Variants in RYR3 observed in about 807,000 individuals in gnomAD.
RYR3 encodes the protein brain ryanodine receptor-calcium release channel.
Under a neutral mutation model 584.3 loss-of-function variants are expected in RYR3, and 207 were observed. The ratio of observed to expected loss-of-function variants is 0.35; its 90% CI spans 0.32 to 0.40. The LOEUF (loss-of-function observed/expected upper bound fraction) is 0.40. Among genes scored for constraint, RYR3 ranks in the 10% least tolerant of loss-of-function variants. The pLI is 1.00. For missense variants in RYR3, 5,616 were observed against 6,089.2 expected, an observed-to-expected ratio of 0.92 and a Z score of 2.59; for synonymous variants, 2,416 against 2,248.5, an observed-to-expected ratio of 1.07 and a Z score of -2.11.
At chr15:33,406,278 G>A (rs777356791) in intron 1 of RYR3, among the ~76,000 whole-genome samples, 4 of 152,160 alleles carry the variant, frequency 2.6e-5, no homozygotes, top group African/African-American at 7.2e-5. Flanking sequence ...GGTGATTAGG[G>A]GAGAAGAAGT....
At chr15:33,863,699 C>T (rs1889368129) in intron 102 of RYR3, among the ~76,000 whole-genome samples, 2 of 152,134 alleles carry the variant, frequency 1.3e-5, no homozygotes, top group Admixed American at 1.3e-4. Flanking sequence ...AGATTAAATA[C>T]TTTCTAACTT....
chr15:33,753,053 T>C (rs989790662), intron 57 of RYR3, among the ~76,000 whole-genome samples: 4 of 152,222 alleles, frequency 2.6e-5, no homozygotes, highest in Non-Finnish European at 5.9e-5. Flanking sequence ...TGGTTCTGTT[T>C]GTGTGATGGA....
At position 33,662,567 on chromosome 15, in the gene RYR3, C is replaced by A; in HGVS notation, c.5037C>A (p.His1679Gln). Residue 1679 changes from histidine to glutamine, a missense_variant, in exon 35 of 104, where the codon CAC becomes CAA. His to Gln is a conservative substitution (Grantham distance 24). Transcript: ENST00000634891. ...GCTTTGTTGTGACTGGTGAGGATCACCAAAAGCAGAGCCCCGAGATTCCCT... is the reference window on the plus strand; with the variant it reads ...GCTTTGTTGTGACTGGTGAGGATCAACAAAAGCAGAGCCCCGAGATTCCCT... The part of the protein sequence containing the change: ...TPCFVVTGED[H>Q]QKQSPEIPLE... The A allele has an allele frequency of 6.2e-7, 1 of 1,613,970 alleles. No individual in the cohort carries two copies. The highest frequency in any genetic ancestry group is 8.5e-7 in the Non-Finnish European group (1 of 1,179,894).
intron 1 of RYR3, among the ~76,000 whole-genome samples, chr15:33,399,633 G>A (rs1335523700): frequency 3.3e-5 from 5 of 152,032 alleles, no homozygotes; most frequent in South Asian, 4.2e-4. Context: ...GTAAGACTCC[G>A]TTTCAAAAAT....
intron 1 of RYR3, among the ~76,000 whole-genome samples, chr15:33,322,927 T>G (rs998169976): frequency 6.6e-6 from 1 of 151,084 alleles, no homozygotes; most frequent in African/African-American, 2.4e-5. Context: ...GTATCATCTG[T>G]ATCAGCACCA....
intron 1 of RYR3, among the ~76,000 whole-genome samples, chr15:33,414,698 G>T (rs2043658337): frequency 6.6e-6 from 1 of 152,134 alleles, no homozygotes; most frequent in South Asian, 2.1e-4. Flanking sequence ...TCCGCCTCCT[G>T]GGTTCACGCC....
At chr15:33,815,179 A>G (rs2152951758) in intron 74 of RYR3, among the ~76,000 whole-genome samples, 1 of 152,350 alleles carries the variant, frequency 6.6e-6, no homozygotes, top group African/African-American at 2.4e-5. Context: ...CACCAAATCA[A>G]GTAGAATTCA....
chr15:33,736,266 C>G lies in RYR3; in HGVS notation c.7456C>G (p.Leu2486Val). 3 of 1,613,310 alleles carry G rather than the reference C, an allele frequency of 1.9e-6. No individual in the cohort carries two copies. The highest frequency in any genetic ancestry group is 2.5e-6 in the Non-Finnish European group (3 of 1,179,642). ...HLRPSMLQQL[L>V]RRLVFDVPQL... ...GAGGCCTTCCATGTTACAGCAACTC[C>G]TGCGACGCCTCGTTTTTGATGTGCC... Residue 2486 changes from leucine to valine, a missense_variant, in exon 49 of 104, where the codon CTG (leucine) becomes GTG (valine). Leu to Val is a conservative substitution (Grantham distance 32). Coordinates refer to ENST00000634891, the MANE Select transcript of RYR3 (RefSeq NM_001036.6).
At chr15:33,345,894 C>T (rs1237164238) in intron 1 of RYR3, among the ~76,000 whole-genome samples, 2 of 152,168 alleles carry the variant, frequency 1.3e-5, no homozygotes, top group Non-Finnish European at 2.9e-5. Flanking sequence ...ATACATTTCT[C>T]TAAATGCTTT....
chr15:33,823,021 A>G lies in RYR3; in HGVS notation c.11021A>G (p.Lys3674Arg). The G allele has an allele frequency of 6.2e-7, 1 of 1,613,672 alleles. No individual in the cohort carries two copies. The highest frequency in any genetic ancestry group is 8.5e-7 in the Non-Finnish European group (1 of 1,179,704). Residue 3674 changes from lysine to arginine, a missense_variant, in exon 81 of 104, where the codon AAA (lysine) becomes AGA (arginine). Transcript: ENST00000634891. ...QQKMLDYLKEKKDAGFFQSLS... is the reference protein window; with the variant it reads ...QQKMLDYLKERKDAGFFQSLS... ...AAAATGCTAGATTACCTAAAGGAGAAAAAGGATGCTGGATTCTTTCAAAGC... is the reference window on the plus strand; with the variant it reads ...AAAATGCTAGATTACCTAAAGGAGAGAAAGGATGCTGGATTCTTTCAAAGC...
At chr15:33,684,781 G>A (rs947515689) in intron 38 of RYR3, among the ~76,000 whole-genome samples, 2 of 152,190 alleles carry the variant, frequency 1.3e-5, no homozygotes, top group African/African-American at 4.8e-5. Flanking sequence ...GCCAGAAGAG[G>A]GTGGGGGCCA....
rs2077017140 is a variant in RYR3, at chr15:33,819,812, A to G, written c.10758+5A>G. On this transcript the variant is annotated splice_donor_5th_base_variant and intron_variant, in intron 77 of 103. Coordinates refer to ENST00000634891, the MANE Select transcript of RYR3 (RefSeq NM_001036.6). The stretch of plus-strand genomic sequence containing the variant: ...TATTCCAGCATGATGGCCAAGGTAC[A>G]CCCAGGTTTTCTGCCCATTGTCTCT... The G allele has an allele frequency of 6.3e-7, 1 of 1,586,972 alleles. No homozygotes were observed. The highest frequency in any genetic ancestry group is 1.7e-5 in the Admixed American group (1 of 59,332).
At chr15:33,821,658 T>C in intron 80 of RYR3, 56 bp downstream of exon 80, 2 of 1,531,584 alleles carry the variant, frequency 1.3e-6, no homozygotes, top group Non-Finnish European at 1.8e-6. Context: ...ATTTGACACC[T>C]GTCATGCTTC....
chr15:33,821,290 A>T lies in RYR3; in HGVS notation c.10836A>T (p.Gln3612His). ...KTFEEKEMEK[Q>H]KTLYQQARLH... ...CCCAGGAGAAAGAGATGGAGAAGCA[A>T]AAAACCCTCTATCAGCAAGCTCGGC... is the stretch of plus-strand genomic sequence containing the variant. The change falls in exon 79 of 104, where the codon CAA (glutamine) becomes CAT (histidine). Residue 3612 changes from glutamine (Q) to histidine (H), a missense_variant. By Grantham distance (24) the Gln-to-His change is conservative. Transcript: ENST00000634891. 1 of 1,599,210 alleles carries T rather than the reference A, an allele frequency of 6.3e-7. No homozygotes were observed. The highest frequency in any genetic ancestry group is 8.5e-7 in the Non-Finnish European group (1 of 1,173,022).
intron 1 of RYR3, among the ~76,000 whole-genome samples, chr15:33,392,988 G>A (rs1308351908): frequency 1.3e-5 from 2 of 152,244 alleles, no homozygotes; most frequent in African/African-American, 4.8e-5. Context: ...GCTGTGGCAG[G>A]AAGAAAGCTC....
intron 1 of RYR3, among the ~76,000 whole-genome samples, chr15:33,440,913 G>A (rs1479593657): frequency 6.6e-6 from 1 of 152,212 alleles, no homozygotes; most frequent in East Asian, 1.9e-4. Context: ...AGCAGTGAGA[G>A]TATTTGTGCT....
At chr15:33,435,302 C>T (rs768913066) in intron 1 of RYR3, among the ~76,000 whole-genome samples, 1 of 151,700 alleles carries the variant, frequency 6.6e-6, no homozygotes, top group Non-Finnish European at 1.5e-5. Context: ...GTGTCATACT[C>T]TCTGTATTTT....
Position 33,746,063 on chromosome 15 carries a change from T to C in RYR3, c.7900-5T>C, listed in dbSNP as rs1172654631. ...AGGATATTTGAACTGAGAACATTTCTACAGAGTCAGAGTGGATGGAAATAT... is the reference window on the plus strand; with the variant it reads ...AGGATATTTGAACTGAGAACATTTCCACAGAGTCAGAGTGGATGGAAATAT... On this transcript the variant is annotated splice_region_variant and splice_polypyrimidine_tract_variant and intron_variant, in intron 52 of 103. Transcript: ENST00000634891. The C allele has an allele frequency of 2.5e-6, 4 of 1,579,806 alleles. No homozygotes were observed. The African/African-American group carries it at 5.4e-5, about 21-fold the overall frequency.
At chr15:33,628,634 G>A (rs925903834) in intron 21 of RYR3, 59 bp downstream of exon 21, 1 of 1,067,142 alleles carries the variant, frequency 9.4e-7, no homozygotes, top group African/African-American at 1.6e-5. Flanking sequence ...GCCTGGAACT[G>A]TTCTTCCTGC....
Sources: allele counts gnomAD v4.1 joint callset (sites outside exome capture counted in the v4.1 genomes callset), GRCh38; gene constraint gnomAD v4.1.1; transcripts MANE v1.5; gene names NCBI Gene and HGNC (gene_info 2026-07-23, HGNC 2026-07-21).